The following PPP1R17 variants were observed in gnomAD, a reference collection of about 807,000 sequenced individuals.
PPP1R17 encodes G-substrate.
PPP1R17 carries 12 observed loss-of-function variants against 15.9 expected under a neutral mutation model. The observed-to-expected ratio is 0.75, with a 90% CI of 0.48 to 1.22. PPP1R17 has a LOEUF of 1.22. Ranked by LOEUF, PPP1R17 falls within the 50% of genes most tolerant of loss-of-function variation. PPP1R17 has a pLI of 0.00. For missense variants in PPP1R17, 211 were observed against 187.3 expected (o/e 1.13, Z -0.74); for synonymous variants, 63 against 64.5 (o/e 0.98, Z 0.11).
intron 4 of PPP1R17, among the ~76,000 whole-genome samples, chr7:31,698,976 A>G (rs138366507): frequency 6.6e-6 from 1 of 152,308 alleles, no homozygotes; most frequent in Non-Finnish European, 1.5e-5. Flanking sequence ...AGTGCCTACT[A>G]TGTGCCAGGC....
intron 4 of PPP1R17, among the ~76,000 whole-genome samples, chr7:31,699,902 T>C (rs140077590): frequency 3.0e-4 from 46 of 152,232 alleles, no homozygotes; most frequent in African/African-American, 1.1e-3. Context: ...GACTGTTAAC[T>C]TAATCTATAA....
chr7:31,698,885 A>C (rs1428295313), intron 4 of PPP1R17, among the ~76,000 whole-genome samples: 3 of 152,200 alleles, frequency 2.0e-5, no homozygotes, highest in Non-Finnish European at 4.4e-5. Flanking sequence ...GTAACTGAGC[A>C]GAGTAGTTGA....
intron 1 of PPP1R17, 98 bp downstream of exon 1, chr7:31,687,404 G>A (rs1291729139): frequency 1.3e-5 from 2 of 152,274 alleles, no homozygotes; most frequent in African/African-American, 4.8e-5. Context: ...TGGTGGCACG[G>A]GGTTGTGCTT....
chr7:31,696,835 G>A, intron 3 of PPP1R17, 130 bp from the exon 4 acceptor site: 1 of 1,027,538 alleles, frequency 9.7e-7, no homozygotes, highest in Non-Finnish European at 1.4e-6. Flanking sequence ...GAAAAGTCTT[G>A]CTTTATTAAA....
rs1008793194 is a variant in PPP1R17 at position 31,707,452 on chromosome 7, T to A, written c.*169T>A. ...CATCAAATTGCCAGTCACCTCTTTG[T>A]CTCTCTCTTCTTTCTGAGTATGGTT... On this transcript the variant is annotated 3_prime_UTR_variant, in exon 5 of 5. Transcript: ENST00000342032. 1.7e-6 allele frequency: 1 copy of A among 588,382 alleles called. No homozygotes were observed. Among genetic ancestry groups the A allele is most frequent in the African/African-American group, 1.9e-5 (1 of 53,118 alleles). 36.4% of individuals were successfully genotyped at this position (588,382 alleles called of 1,614,324 possible). A position where few individuals can be genotyped will look rare whatever the true frequency, so the allele number is the denominator to read the frequency against.
At chr7:31,690,396 G>A (rs1792291769) in intron 1 of PPP1R17, among the ~76,000 whole-genome samples, 1 of 152,148 alleles carries the variant, frequency 6.6e-6, no homozygotes, top group Non-Finnish European at 1.5e-5. Flanking sequence ...GTAAGCTCGG[G>A]GGACAGAGAG....
At chr7:31,695,723 T>A in intron 3 of PPP1R17, 102 bp downstream of exon 3, 2 of 1,235,074 alleles carry the variant, frequency 1.6e-6, no homozygotes, top group Non-Finnish European at 2.3e-6. Flanking sequence ...TATTTTAAAG[T>A]AATTTGTGCA....
chr7:31,700,493 T>A (rs1245200529), intron 4 of PPP1R17, among the ~76,000 whole-genome samples: 1 of 152,140 alleles, frequency 6.6e-6, no homozygotes, highest in Non-Finnish European at 1.5e-5. Flanking sequence ...AAGTGCAAAG[T>A]GAAGCAACAA....
At chr7:31,689,578 G>C (rs1380123351) in intron 1 of PPP1R17, among the ~76,000 whole-genome samples, 1 of 152,010 alleles carries the variant, frequency 6.6e-6, no homozygotes, top group African/African-American at 2.4e-5. Flanking sequence ...AATTAGACCG[G>C]CTCATGTCTT....
Position 31,707,635 on chromosome 7 carries a change from G to GT in PPP1R17, c.*357dup. 4.7e-6 allele frequency: 1 copy of GT among 212,864 alleles called. No homozygotes were observed. The highest frequency in any genetic ancestry group is 1.2e-4 in the East Asian group (1 of 8,212). The allele number at this position is 212,864 out of a possible 1,614,324, so 13.2% of individuals were successfully genotyped here. On this transcript the variant is annotated 3_prime_UTR_variant, in exon 5 of 5. Transcript: ENST00000342032. The stretch of plus-strand genomic sequence containing the variant: ...CGTGGATTACATGGGCTCCTTCTTG[G>GT]TTTTTGCTGCTGGGCAGGACTTGAC...
In PPP1R17 at chr7:31,696,980, A is replaced by G. The variant is rs1229991697; in HGVS notation, c.251A>G (p.His84Arg). ...AACCATGCAGGTGTGTTTTCAGAAC[A>G]TTTAATTAAAAGATACGATGTTCAA... ...PPFIPGVFSEHLIKRYDVQER... is the reference protein window; with the variant it reads ...PPFIPGVFSERLIKRYDVQER... Residue 84 changes from histidine to arginine, a missense_variant, in exon 4 of 5, where the codon CAT (histidine) becomes CGT (arginine). By Grantham distance (29) the His-to-Arg change is conservative (BLOSUM62 0). Transcript: ENST00000342032. The G allele has an allele frequency of 4.3e-6, 7 of 1,614,106 alleles. No individual in the cohort carries two copies. The East Asian group carries it at 1.6e-4, about 36-fold the overall frequency.
chr7:31,697,628 C>G (rs542678086), intron 4 of PPP1R17, among the ~76,000 whole-genome samples: 3 of 147,182 alleles, frequency 2.0e-5, no homozygotes, highest in South Asian at 2.1e-4. Context: ...CTGTGAGATA[C>G]AGTCCTTGTC....
chr7:31,697,369 T>G (rs1792634022), intron 4 of PPP1R17, among the ~76,000 whole-genome samples: 1 of 152,216 alleles, frequency 6.6e-6, no homozygotes, highest in Non-Finnish European at 1.5e-5. Flanking sequence ...TTGAATTCAC[T>G]GAGCCAACGG....
intron 1 of PPP1R17, among the ~76,000 whole-genome samples, chr7:31,689,604 T>A (rs1792253784): frequency 6.6e-6 from 1 of 152,068 alleles, no homozygotes; most frequent in African/African-American, 2.4e-5. Context: ...AGCTCACTCA[T>A]AAAGAGCGCC....
chr7:31,697,221 G>T, intron 4 of PPP1R17, 104 bp downstream of exon 4: 1 of 1,430,884 alleles, frequency 7.0e-7, no homozygotes, highest in African/African-American at 1.4e-5. Flanking sequence ...GCCCCAGCAA[G>T]CTGCGTTGTC....
chr7:31,687,983 T>C (rs1404191900), intron 1 of PPP1R17, among the ~76,000 whole-genome samples: 1 of 152,174 alleles, frequency 6.6e-6, no homozygotes, highest in Admixed American at 6.5e-5. Context: ...AATGGGTTGG[T>C]TTTTGTCTTG....
intron 1 of PPP1R17, among the ~76,000 whole-genome samples, chr7:31,689,164 A>AT (rs1792229304): frequency 6.6e-6 from 1 of 152,180 alleles, no homozygotes; most frequent in Non-Finnish European, 1.5e-5. Flanking sequence ...CAATATTGCA[A>AT]TGACAGTGGC....
intron 4 of PPP1R17, among the ~76,000 whole-genome samples, chr7:31,704,348 T>C (rs180894975): frequency 1.7e-4 from 26 of 152,310 alleles, no homozygotes; most frequent in African/African-American, 5.5e-4. Flanking sequence ...CTGGGTGGGA[T>C]TGTGCTGTAA....
chr7:31,701,499 AC>A (rs1317187993), intron 4 of PPP1R17, among the ~76,000 whole-genome samples: 1 of 152,250 alleles, frequency 6.6e-6, no homozygotes, highest in Non-Finnish European at 1.5e-5. Flanking sequence ...TGTTGAAATG[AC>A]AACAAAGGGT....
Sources: allele counts gnomAD v4.1 joint callset (sites outside exome capture counted in the v4.1 genomes callset), GRCh38; gene constraint gnomAD v4.1.1; transcripts MANE v1.5; gene names NCBI Gene and HGNC (gene_info 2026-07-23, HGNC 2026-07-21).